The following SIM1 variants were observed in gnomAD, a reference collection of about 807,000 sequenced individuals.
SIM1 encodes single-minded homolog 1.
SIM1 carries 18 observed loss-of-function variants against 78.2 expected under a neutral mutation model. That is an observed-to-expected ratio of 0.23 (90% CI 0.16 to 0.34). SIM1 has a LOEUF of 0.34. Ranked by LOEUF, SIM1 falls within the 10% of genes least tolerant of loss-of-function variation. The pLI, the probability that SIM1 is intolerant of heterozygous loss-of-function variation, is 1.00. For missense variants in SIM1, 939 were observed against 975.1 expected (o/e 0.96, Z 0.49); for synonymous variants, 417 against 385.2 (o/e 1.08, Z -0.97).
At chr6:100,412,486 G>A (rs1290852299) in intron 10 of SIM1, among the ~76,000 whole-genome samples, 54 of 149,706 alleles carry the variant, frequency 3.6e-4, no homozygotes, top group Admixed American at 9.4e-4. Flanking sequence ...ACAGTGAGCC[G>A]AGACAGTGCC....
chr6:100,417,906 C>T (rs542923494), intron 10 of SIM1, among the ~76,000 whole-genome samples: 7 of 152,230 alleles, frequency 4.6e-5, no homozygotes, highest in South Asian at 2.1e-4. Flanking sequence ...ACTTAATTTA[C>T]GACTGTGCAA....
intron 9 of SIM1, among the ~76,000 whole-genome samples, chr6:100,426,155 C>T (rs189845213): frequency 2.0e-5 from 3 of 152,242 alleles, no homozygotes; most frequent in Admixed American, 2.0e-4. Context: ...TAGAGAGCTC[C>T]ACACATCTTC....
chr6:100,415,777 G>A (rs1192970594), intron 10 of SIM1, among the ~76,000 whole-genome samples: 1 of 152,094 alleles, frequency 6.6e-6, no homozygotes, highest in Non-Finnish European at 1.5e-5. Context: ...TGCATTTCAA[G>A]GAAATCACTT....
chr6:100,430,246 A>G (rs1241383012), intron 9 of SIM1, among the ~76,000 whole-genome samples: 5 of 152,226 alleles, frequency 3.3e-5, no homozygotes, highest in Non-Finnish European at 7.3e-5. Flanking sequence ...TTTAGCTACT[A>G]AAGTTTAAAC....
chr6:100,447,473 A>T, intron 8 of SIM1, 58 bp from the exon 9 acceptor site: 1 of 1,598,402 alleles, frequency 6.3e-7, no homozygotes, highest in Non-Finnish European at 8.6e-7. Flanking sequence ...ACTGGCCCCA[A>T]ATGCAATCCC....
intron 10 of SIM1, among the ~76,000 whole-genome samples, chr6:100,408,856 C>T (rs1771119749): frequency 6.6e-6 from 1 of 152,006 alleles, no homozygotes; most frequent in East Asian, 1.9e-4. Flanking sequence ...ACCAGGGATA[C>T]TGACATGTCA....
Position 100,393,536 on chromosome 6 carries a change from T to C in SIM1, c.1521A>G (p.Glu507=). ...TGTGAGGCATGCTGTTTTCATAGGC[T>C]TCTCTGCTTTCTGGGGAGGCCTTTG... is the stretch of plus-strand genomic sequence containing the variant. ...PLTKASPESR[E]AYENSMPHIA... Residue 507 remains glutamate, a synonymous_variant, in exon 11 of 12, where the codon GAA becomes GAG. Transcript: ENST00000369208. The C allele has an allele frequency of 6.3e-7, 1 of 1,595,954 alleles. No individual in the cohort carries two copies. The highest frequency in any genetic ancestry group is 8.6e-7 in the Non-Finnish European group (1 of 1,168,024).
Position 100,391,047 on chromosome 6 carries a change from G to A in SIM1, c.1615C>T (p.Pro539Ser). ...DEDSVVSSPD[P>S]GSASESGDRY... Reference sequence around the variant, plus strand: ...TCACCTGATTCACTGGCCGACCCAGGGTCTGGAGAACTGACCACACTATCT... The same window carrying A: ...TCACCTGATTCACTGGCCGACCCAGAGTCTGGAGAACTGACCACACTATCT... The change falls in exon 12 of 12, where the codon CCT (proline) becomes TCT (serine). Residue 539 changes from proline (P) to serine (S), a missense_variant. Coordinates refer to ENST00000369208, the MANE Select transcript of SIM1 (RefSeq NM_005068.3). The A allele has an allele frequency of 6.2e-7, 1 of 1,613,674 alleles. No homozygotes were observed. Among genetic ancestry groups the A allele is most frequent in the Non-Finnish European group, 8.5e-7 (1 of 1,179,906 alleles).
Position 100,447,449 on chromosome 6 carries a change from C to T in SIM1, c.851-34G>A, listed in dbSNP as rs761136133. Reference sequence around the variant, plus strand: ...GAGACAGGAGGCAGATGGTGGTGAACCAGCCTGCCTGGGACTGGCCCCAAA... The same window carrying T: ...GAGACAGGAGGCAGATGGTGGTGAATCAGCCTGCCTGGGACTGGCCCCAAA... On this transcript the variant is annotated intron_variant, in intron 8 of 11. Transcript: ENST00000369208. 9 of 1,613,442 alleles carry T rather than the reference C, an allele frequency of 5.6e-6. No homozygotes were observed. In the South Asian group the frequency reaches 7.7e-5, roughly 14 times the overall value.
intron 2 of SIM1, among the ~76,000 whole-genome samples, chr6:100,461,615 A>G (rs1772848163): frequency 6.6e-6 from 1 of 152,246 alleles, no homozygotes; most frequent in Non-Finnish European, 1.5e-5. Context: ...AATCACTGCT[A>G]ATAATCCTGT....
chr6:100,448,123 T>G (rs1212916097), intron 8 of SIM1, 23 bp downstream of exon 8: 1 of 1,589,422 alleles, frequency 6.3e-7, no homozygotes, highest in African/African-American at 1.3e-5. Flanking sequence ...GTTGCTAGGG[T>G]ACGGGGCAGG....
intron 9 of SIM1, chr6:100,427,099 C>G (rs1301168409): frequency 6.6e-6 from 1 of 152,134 alleles, no homozygotes; most frequent in African/African-American, 2.4e-5. Context: ...AGTGTATGAC[C>G]TTCTTTATAT....
chr6:100,390,253 T>G lies in SIM1; in HGVS notation c.*108A>C. The G allele has an allele frequency of 8.0e-7, 1 of 1,248,328 alleles. No homozygotes were observed. Among genetic ancestry groups the G allele is most frequent in the Admixed American group, 2.3e-5 (1 of 43,804 alleles). The allele number at this position is 1,248,328 out of a possible 1,614,324, so 77.3% of individuals were successfully genotyped here. On this transcript the variant is annotated 3_prime_UTR_variant, in exon 12 of 12. Transcript: ENST00000369208. ...AACACGTATCAAATACCCAGTAACT[T>G]AAGTTATACTCTCTAACAATCTGTG...
chr6:100,435,864 C>T (rs1246605340), intron 9 of SIM1, among the ~76,000 whole-genome samples: 1 of 152,120 alleles, frequency 6.6e-6, no homozygotes, highest in Non-Finnish European at 1.5e-5. Context: ...AACACAACTG[C>T]TCCCTCTCCC....
intron 10 of SIM1, among the ~76,000 whole-genome samples, chr6:100,403,665 A>G (rs1770984487): frequency 6.6e-6 from 1 of 152,238 alleles, no homozygotes; most frequent in Non-Finnish European, 1.5e-5. Context: ...TGTTTCCCTT[A>G]GTAAATAAGT....
At chr6:100,419,830 C>T (rs1035630597) in intron 10 of SIM1, among the ~76,000 whole-genome samples, 8 of 152,010 alleles carry the variant, frequency 5.3e-5, no homozygotes, top group African/African-American at 1.7e-4. Flanking sequence ...TTAGCAGAGA[C>T]AGGGTTTCAC....
At chr6:100,395,456 C>A (rs1376570758) in intron 10 of SIM1, among the ~76,000 whole-genome samples, 1 of 152,082 alleles carries the variant, frequency 6.6e-6, no homozygotes, top group East Asian at 1.9e-4. Context: ...TTTTACATTT[C>A]AGATAAAACA....
At chr6:100,420,653 G>C in intron 10 of SIM1, 137 bp downstream of exon 10, 1 of 825,862 alleles carries the variant, frequency 1.2e-6, no homozygotes, top group South Asian at 1.8e-5. Context: ...AGATAGTTTA[G>C]AGAACCTTCC....
At chr6:100,396,491 A>G (rs1266697196) in intron 10 of SIM1, among the ~76,000 whole-genome samples, 1 of 152,138 alleles carries the variant, frequency 6.6e-6, no homozygotes, top group African/African-American at 2.4e-5. Flanking sequence ...TTTCAAGAGC[A>G]CCCAAAGAAG....
Sources: allele counts gnomAD v4.1 joint callset (sites outside exome capture counted in the v4.1 genomes callset), GRCh38; gene constraint gnomAD v4.1.1; transcripts MANE v1.5; gene names NCBI Gene and HGNC (gene_info 2026-07-23, HGNC 2026-07-21).